SLC10A7: variants seen among roughly 807,000 people sequenced by gnomAD.
SLC10A7 encodes the protein solute carrier family 10 member 7.
Under a neutral mutation model 43.2 loss-of-function variants are expected in SLC10A7, and 29 were observed. The ratio of observed to expected loss-of-function variants is 0.67; its 90% CI spans 0.50 to 0.92. The LOEUF is 0.92. SLC10A7 is among the 40% of genes least tolerant of loss of function. SLC10A7 has a pLI of 0.00. For missense variants in SLC10A7, 295 were observed against 403.2 expected (o/e 0.73, Z 2.30); for synonymous variants, 152 against 144.8 (o/e 1.05, Z -0.35).
chr4:146,312,963 C>G (rs1732079890), intron 6 of SLC10A7, among the ~76,000 whole-genome samples: 1 of 152,108 alleles, frequency 6.6e-6, no homozygotes. Flanking sequence ...ACTCAGAGGC[C>G]TCTAGGACCA....
chr4:146,392,715 T>C (rs547147925), intron 5 of SLC10A7, among the ~76,000 whole-genome samples: 1 of 152,308 alleles, frequency 6.6e-6, no homozygotes, highest in South Asian at 2.1e-4. Flanking sequence ...TGAAAGATTT[T>C]GAACAATTCT....
At chr4:146,465,080 A>G (rs1191604468) in intron 4 of SLC10A7, among the ~76,000 whole-genome samples, 1 of 152,110 alleles carries the variant, frequency 6.6e-6, no homozygotes, top group African/African-American at 2.4e-5. Context: ...TAAAACTACA[A>G]TTTGTTTGTT....
intron 9 of SLC10A7, among the ~76,000 whole-genome samples, chr4:146,283,576 G>C (rs1411601037): frequency 6.6e-6 from 1 of 152,010 alleles, no homozygotes; most frequent in Non-Finnish European, 1.5e-5. Context: ...AAGTCTCTAG[G>C]TTACCACTTG....
At chr4:146,328,160 T>TACCTGCTACTGCC (rs1733283582) in intron 5 of SLC10A7, among the ~76,000 whole-genome samples, 1 of 152,102 alleles carries the variant, frequency 6.6e-6, no homozygotes, top group Non-Finnish European at 1.5e-5. Context: ...AGGCCTGGCT[T>TACCTGCTACTGCC]ACCTGCTACT....
intron 5 of SLC10A7, among the ~76,000 whole-genome samples, chr4:146,356,341 C>A (rs1356485028): frequency 6.6e-6 from 1 of 152,096 alleles, no homozygotes; most frequent in East Asian, 1.9e-4. Flanking sequence ...CAATATATTA[C>A]TAACTATTGT....
intron 4 of SLC10A7, among the ~76,000 whole-genome samples, chr4:146,470,345 A>G (rs1285307023): frequency 6.6e-6 from 1 of 151,638 alleles, no homozygotes; most frequent in Non-Finnish European, 1.5e-5. Flanking sequence ...ATACAGATGC[A>G]TATATTATAT....
chr4:146,327,551 A>G (rs1473051182), intron 5 of SLC10A7, among the ~76,000 whole-genome samples: 1 of 152,234 alleles, frequency 6.6e-6, no homozygotes, highest in Non-Finnish European at 1.5e-5. Flanking sequence ...GACTCAGTCT[A>G]TATGAGAGGC....
Position 146,415,201 on chromosome 4 carries a change from A to T in SLC10A7, c.435+27582T>A, listed in dbSNP as rs1366688284. The stretch of plus-strand genomic sequence containing the variant: ...ACATTTACTACTTTCTGTAACTTGA[A>T]CTAACCTCTGGTTTAAAGTGGAATT... On this transcript the variant is annotated intron_variant, in intron 5 of 11. Coordinates refer to ENST00000335472, the MANE Select transcript of SLC10A7 (RefSeq NM_001029998.6). 7.2e-5 allele frequency among the ~76,000 whole-genome samples: 11 copies of T among 152,318 alleles called. No individual in the cohort carries two copies. The East Asian group carries it at 1.2e-3, about 16-fold the overall frequency.
rs1306945403 is a variant in SLC10A7 at position 146,254,815 on chromosome 4, A to G, written c.*1676T>C. 6.6e-6 allele frequency: 1 copy of G among 152,238 alleles called. No individual in the cohort carries two copies. The highest frequency in any genetic ancestry group is 1.5e-5 in the Non-Finnish European group (1 of 68,050). The allele number at this position is 152,238 out of a possible 1,614,324, so 9.4% of individuals were successfully genotyped here. On this transcript the variant is annotated 3_prime_UTR_variant, in exon 12 of 12. Transcript: ENST00000335472. The stretch of plus-strand genomic sequence containing the variant: ...CTCCATAGGTAAGCACAATTACCTA[A>G]GCAAAATTACTGTAGTTTTAGACAC...
intron 5 of SLC10A7, among the ~76,000 whole-genome samples, chr4:146,341,436 T>C (rs752399684): frequency 1.3e-5 from 2 of 151,864 alleles, no homozygotes; most frequent in Non-Finnish European, 3.0e-5. Context: ...TTTGATATTC[T>C]GTATTTTGAA....
At chr4:146,442,553 A>C (rs1446660047) in intron 5 of SLC10A7, 2 of 1,362,722 alleles carry the variant, frequency 1.5e-6, no homozygotes, top group East Asian at 3.2e-5. Context: ...TGATTCCTTG[A>C]ATTCATTAAA....
At chr4:146,435,295 T>G (rs1392617435) in intron 5 of SLC10A7, among the ~76,000 whole-genome samples, 1 of 152,138 alleles carries the variant, frequency 6.6e-6, no homozygotes, top group Non-Finnish European at 1.5e-5. Context: ...AAAGGGAAGA[T>G]TCTCTTTGGC....
intron 4 of SLC10A7, among the ~76,000 whole-genome samples, chr4:146,459,739 C>T (rs892837486): frequency 6.6e-6 from 1 of 151,742 alleles, no homozygotes; most frequent in Admixed American, 6.6e-5. Flanking sequence ...TAAAGAACAT[C>T]TTTGTGACTC....
In SLC10A7 at chr4:146,350,073, G is replaced by A. The variant is rs539973081; in HGVS notation, c.436-24077C>T. ...ACAGCTCCCGTCTACAGCTCCCAGC[G>A]TGAGCGACGCAGAAGACGGGTGATT... On this transcript the variant is annotated intron_variant, in intron 5 of 11. Transcript: ENST00000335472. 3.2e-3 allele frequency among the ~76,000 whole-genome samples: 483 copies of A among 152,090 alleles called. 5 individuals carry two copies. Among genetic ancestry groups the A allele is most frequent in the African/African-American group, 9.6e-3 (400 of 41,484 alleles).
intron 4 of SLC10A7, among the ~76,000 whole-genome samples, chr4:146,491,668 G>A: frequency 1.4e-5 from 2 of 146,550 alleles, no homozygotes; most frequent in Non-Finnish European, 3.0e-5. Context: ...GGGAGAGAGG[G>A]AGGGAGGAAG....
In SLC10A7 at chr4:146,326,917, GACACACACACAC is replaced by G. The variant is rs71640636; in HGVS notation, c.436-933_436-922del. 8.8e-4 allele frequency among the ~76,000 whole-genome samples: 130 copies of G among 147,512 alleles called. 1 individual carries two copies. Among genetic ancestry groups the G allele is most frequent in the African/African-American group, 1.9e-3 (76 of 39,782 alleles). On this transcript the variant is annotated intron_variant, in intron 5 of 11. Transcript: ENST00000335472. ...GCCTAAGACAGAAAAGAGAGGGACA[GACACACACACAC>G]ACACACACACACACACACACACACA...
intron 9 of SLC10A7, among the ~76,000 whole-genome samples, chr4:146,290,394 G>T (rs1342687039): frequency 1.3e-5 from 2 of 150,422 alleles, no homozygotes; most frequent in African/African-American, 2.4e-5. Context: ...AACAGAGAAT[G>T]AGGCTATGTG....
chr4:146,411,971 A>G (rs1296195107), intron 5 of SLC10A7, among the ~76,000 whole-genome samples: 1 of 152,178 alleles, frequency 6.6e-6, no homozygotes, highest in Non-Finnish European at 1.5e-5. Flanking sequence ...TAAAATGAAT[A>G]ATTTAACTAC....
intron 5 of SLC10A7, among the ~76,000 whole-genome samples, chr4:146,374,545 C>T (rs900330896): frequency 6.6e-6 from 1 of 151,478 alleles, no homozygotes; most frequent in African/African-American, 2.4e-5. Context: ...GCTGAGATTA[C>T]ACTACTGCAC....
Sources: gnomAD v4.1 joint callset for allele counts (sites outside exome capture counted in the v4.1 genomes callset) on GRCh38, gnomAD v4.1.1 for gene constraint, MANE v1.5 for transcripts, NCBI Gene and HGNC (gene_info 2026-07-23, HGNC 2026-07-21) for gene names.